CMTM7: variants seen among roughly 807,000 people sequenced by gnomAD.
CMTM7 encodes CKLF-like MARVEL transmembrane domain-containing protein 7.
Under a neutral mutation model 19.3 loss-of-function variants are expected in CMTM7, and 7 were observed. The observed-to-expected ratio is 0.36, with a 90% CI of 0.21 to 0.68. The LOEUF (loss-of-function observed/expected upper bound fraction) is 0.68, where lower values mean the gene tolerates loss of function less well. Ranked by LOEUF, CMTM7 falls within the 30% of genes least tolerant of loss-of-function variation. The pLI is 0.60. For synonymous variants in CMTM7, 87 were observed against 99.3 expected (o/e 0.88, Z 0.74); for missense variants, 193 against 232.6 (o/e 0.83, Z 1.11).
chr3:32,435,301 G>A lies in CMTM7; in HGVS notation c.160-6539G>A, dbSNP rs374643461. On this transcript the variant is annotated intron_variant, in intron 1 of 4. Transcript: ENST00000334983. ...TGCTTGTAGTCCCAGCTACACGGGA[G>A]GCTGAGGCAGGAGAATGGTGTGAAC... is the stretch of plus-strand genomic sequence containing the variant. Among the ~76,000 whole-genome samples the A allele has an allele frequency of 6.6e-5, 10 of 152,336 alleles. No individual in the cohort carries two copies. The South Asian group carries it at 1.9e-3, about 28-fold the overall frequency.
intron 1 of CMTM7, among the ~76,000 whole-genome samples, chr3:32,434,484 T>G (rs1391615899): frequency 1.3e-5 from 2 of 151,926 alleles, no homozygotes; most frequent in Non-Finnish European, 2.9e-5. Flanking sequence ...TTTTTTTTTT[T>G]GTAGAGATGC....
At chr3:32,412,042 G>C (rs677016) in intron 1 of CMTM7, among the ~76,000 whole-genome samples, 147,558 of 152,300 alleles carry the variant, frequency 0.97, 71,659 homozygotes, top group East Asian at 1. Context: ...AGGCTTTTTG[G>C]TAGTGGTGAA....
chr3:32,433,626 T>A lies in CMTM7; in HGVS notation c.160-8214T>A, dbSNP rs1307444406. ...GACCTTGTGCTGGGTCCCTAATTGA[T>A]GTTTGGCAAAAACACAGCATGGTTC... On this transcript the variant is annotated intron_variant, in intron 1 of 4. Transcript: ENST00000334983. Among the ~76,000 whole-genome samples the A allele has an allele frequency of 3.9e-5, 6 of 152,148 alleles. No homozygotes were observed. In the South Asian group the frequency reaches 1.0e-3, roughly 26 times the overall value.
chr3:32,438,568 CT>C (rs1309607220), intron 1 of CMTM7, among the ~76,000 whole-genome samples: 12 of 151,806 alleles, frequency 7.9e-5, no homozygotes, highest in African/African-American at 2.4e-4. Flanking sequence ...AAAAAGGAAG[CT>C]TTTAGGAGCA....
intron 1 of CMTM7, among the ~76,000 whole-genome samples, chr3:32,420,102 C>T (rs1401061487): frequency 6.6e-6 from 1 of 152,332 alleles, no homozygotes; most frequent in Non-Finnish European, 1.5e-5. Context: ...TGCTGGGTCC[C>T]TGTTGTCACC....
intron 1 of CMTM7, among the ~76,000 whole-genome samples, chr3:32,409,273 C>T (rs74281420): frequency 0.076 from 11,565 of 152,092 alleles, 495 homozygotes; most frequent in East Asian, 0.15. Context: ...CCAGGTTCTC[C>T]GTTTGTTACC....
At chr3:32,422,168 A>T (rs1454927220) in intron 1 of CMTM7, among the ~76,000 whole-genome samples, 1 of 152,192 alleles carries the variant, frequency 6.6e-6, no homozygotes, top group Non-Finnish European at 1.5e-5. Flanking sequence ...GTGATTTTTC[A>T]TCCGTGACAC....
chr3:32,407,744 A>G (rs1247253437), intron 1 of CMTM7, among the ~76,000 whole-genome samples: 1 of 152,202 alleles, frequency 6.6e-6, no homozygotes, highest in Non-Finnish European at 1.5e-5. Flanking sequence ...GTAGCATAAC[A>G]TGCATCCCCT....
intron 1 of CMTM7, 80 bp downstream of exon 1, chr3:32,392,145 C>A (rs1695845212): frequency 3.7e-6 from 4 of 1,074,630 alleles, no homozygotes; most frequent in Non-Finnish European, 4.7e-6. Context: ...ACGCGCCGGG[C>A]GTCTGGACCC....
At chr3:32,407,521 C>T (rs1350167542) in intron 1 of CMTM7, among the ~76,000 whole-genome samples, 1 of 152,160 alleles carries the variant, frequency 6.6e-6, no homozygotes, top group Non-Finnish European at 1.5e-5. Context: ...AAGGCCACAA[C>T]CACAGAAAAA....
rs1365194048 is a variant in CMTM7 at position 32,454,913 on chromosome 3, T to A, written c.*659T>A. 25 of 190,694 alleles carry A rather than the reference T, an allele frequency of 1.3e-4. No homozygotes were observed. Among genetic ancestry groups the A allele is most frequent in the Non-Finnish European group, 2.2e-5 (2 of 89,904 alleles). The allele number at this position is 190,694 out of a possible 1,614,324, so 11.8% of individuals were successfully genotyped here. ...CTGAAACAGTTTCCATTCGAGCTTG[T>A]GTCTGGCCCATGGCCCTCCACCCGT... On this transcript the variant is annotated 3_prime_UTR_variant, in exon 5 of 5. Transcript: ENST00000334983.
At chr3:32,447,856 T>C (rs912994473) in intron 2 of CMTM7, among the ~76,000 whole-genome samples, 5 of 152,232 alleles carry the variant, frequency 3.3e-5, no homozygotes, top group African/African-American at 4.8e-5. Context: ...GCTTTGGTTT[T>C]TTAATCCAAT....
intron 1 of CMTM7, among the ~76,000 whole-genome samples, chr3:32,419,909 G>A (rs1485466377): frequency 6.6e-6 from 1 of 152,030 alleles, no homozygotes; most frequent in Non-Finnish European, 1.5e-5. Flanking sequence ...CTGAATCCTG[G>A]TCTCTCTTTC....
At chr3:32,440,405 C>CA (rs1167647156) in intron 1 of CMTM7, among the ~76,000 whole-genome samples, 22 of 146,564 alleles carry the variant, frequency 1.5e-4, no homozygotes, top group Middle Eastern at 3.5e-3. Context: ...GACTCCATCT[C>CA]AAAAAAAAAA....
Position 32,452,163 on chromosome 3 carries a change from T to C in CMTM7, c.433-229T>C. On this transcript the variant is annotated intron_variant, in intron 3 of 4. Transcript: ENST00000334983. ...AAGAGTGAAGACCGAGAGGCCTGGC[T>C]GCCAGCCCTGACCTGGCCCAACCTG... is the stretch of plus-strand genomic sequence containing the variant. 4 of 1,503,598 alleles carry C rather than the reference T, an allele frequency of 2.7e-6. No individual in the cohort carries two copies. In the South Asian group the frequency reaches 3.6e-5, roughly 14 times the overall value. The allele number at this position is 1,503,598 out of a possible 1,614,324, so 93.1% of individuals were successfully genotyped here.
chr3:32,392,216 A>C (rs1466892711), intron 1 of CMTM7, 151 bp downstream of exon 1: 10 of 591,758 alleles, frequency 1.7e-5, no homozygotes, highest in Non-Finnish European at 1.9e-5. Context: ...AGTTCGCGGC[A>C]GGCTTCCTCC....
intron 2 of CMTM7, among the ~76,000 whole-genome samples, chr3:32,442,776 G>A (rs1038429841): frequency 6.6e-6 from 1 of 152,138 alleles, no homozygotes; most frequent in Non-Finnish European, 1.5e-5. Flanking sequence ...TTGAGATGCA[G>A]TTCATATGCC....
rs145825612 is a variant in CMTM7, at chr3:32,441,004, G to A, written c.160-836G>A. On this transcript the variant is annotated intron_variant, in intron 1 of 4. Transcript: ENST00000334983. ...AGCAGGCCGTTAAGCATGTTCACTC[G>A]TGCTGAGATATTTCTTAGTGAGCTC... Among the ~76,000 whole-genome samples the A allele has an allele frequency of 1.0e-2, 1,518 of 152,284 alleles. 10 individuals are homozygous for A. The highest frequency in any genetic ancestry group is 0.016 in the Non-Finnish European group (1,098 of 68,016).
chr3:32,411,525 C>T (rs60060056), intron 1 of CMTM7, among the ~76,000 whole-genome samples: 23,000 of 152,090 alleles, frequency 0.15, 2,166 homozygotes, highest in African/African-American at 0.26. Context: ...GAAGAATCCA[C>T]ACAAAAACTA....
Sources: gnomAD v4.1 joint callset for allele counts (sites outside exome capture counted in the v4.1 genomes callset) on GRCh38, gnomAD v4.1.1 for gene constraint, MANE v1.5 for transcripts, NCBI Gene and HGNC (gene_info 2026-07-23, HGNC 2026-07-21) for gene names.